Variants in SASS6 observed in about 807,000 individuals in gnomAD.
SASS6 encodes the protein spindle assembly abnormal protein 6 homolog.
SASS6 carries 59 observed loss-of-function variants against 94.9 expected under a neutral mutation model. The ratio of observed to expected loss-of-function variants is 0.62; its 90% CI spans 0.50 to 0.77. The LOEUF is 0.77. Among genes scored for constraint, SASS6 ranks in the 30% least tolerant of loss-of-function variants. The pLI, the probability that SASS6 is intolerant of heterozygous loss-of-function variation, is 0.00. For synonymous variants in SASS6, 264 were observed against 270.0 expected, an observed-to-expected ratio of 0.98 and a Z score of 0.22; for missense variants, 698 against 734.1, an observed-to-expected ratio of 0.95 and a Z score of 0.57.
intron 7 of SASS6, among the ~76,000 whole-genome samples, chr1:100,117,288 T>C (rs1653859497): frequency 7.2e-6 from 1 of 138,540 alleles, no homozygotes; most frequent in African/African-American, 2.7e-5. Flanking sequence ...CGAAATTCTG[T>C]CTCAAAAAAA....
intron 1 of SASS6, among the ~76,000 whole-genome samples, chr1:100,128,399 T>A (rs1482935330): frequency 6.6e-6 from 1 of 152,218 alleles, no homozygotes; most frequent in Non-Finnish European, 1.5e-5. Context: ...ACAAGAAGAA[T>A]TCACTTATCA....
intron 3 of SASS6, 78 bp downstream of exon 3, chr1:100,123,131 GT>G (rs1654330899): frequency 1.5e-6 from 1 of 645,724 alleles, no homozygotes; most frequent in Non-Finnish European, 2.8e-6. Context: ...GTAGGTATGT[GT>G]TTGAAAGAGA....
intron 7 of SASS6, among the ~76,000 whole-genome samples, chr1:100,114,532 A>T (rs1653645273): frequency 6.6e-6 from 1 of 151,078 alleles, no homozygotes; most frequent in Admixed American, 6.6e-5. Context: ...AAAAAAATAA[A>T]TAAATAAAAA....
intron 14 of SASS6, among the ~76,000 whole-genome samples, chr1:100,097,265 A>G (rs982476158): frequency 4.5e-4 from 68 of 152,316 alleles, no homozygotes; most frequent in African/African-American, 1.6e-3. Context: ...AAAGTTTGGT[A>G]ATTTCTTAAA....
At chr1:100,129,354 C>G (rs903941893) in intron 1 of SASS6, among the ~76,000 whole-genome samples, 7 of 152,088 alleles carry the variant, frequency 4.6e-5, no homozygotes, top group African/African-American at 1.7e-4. Flanking sequence ...GCTAGATTTG[C>G]TTCTGATTGC....
chr1:100,119,246 C>T (rs1653999369), intron 6 of SASS6, 109 bp from the exon 7 acceptor site: 1 of 533,882 alleles, frequency 1.9e-6, no homozygotes, highest in Admixed American at 4.2e-5. Flanking sequence ...AAAATTATAG[C>T]TTTTCAGGAC....
At chr1:100,117,848 C>T (rs1163021821) in intron 7 of SASS6, among the ~76,000 whole-genome samples, 1 of 109,076 alleles carries the variant, frequency 9.2e-6, no homozygotes, top group Non-Finnish European at 1.8e-5. Context: ...GGTGGCAGGG[C>T]ACAGTGAAAA....
chr1:100,092,966 G>A (rs542053425), intron 14 of SASS6, among the ~76,000 whole-genome samples: 3 of 152,036 alleles, frequency 2.0e-5, no homozygotes, highest in South Asian at 4.1e-4. Flanking sequence ...CAATACATAC[G>A]AAATATGAAA....
At chr1:100,122,302 T>C (rs749972056) in intron 4 of SASS6, 78 bp downstream of exon 4, 62 of 646,208 alleles carry the variant, frequency 9.6e-5, no homozygotes, top group Non-Finnish European at 1.9e-5. Flanking sequence ...ACGGAAAAGA[T>C]TTTGCCATCA....
intron 14 of SASS6, among the ~76,000 whole-genome samples, chr1:100,101,231 A>G (rs1352999737): frequency 6.6e-6 from 1 of 152,152 alleles, no homozygotes; most frequent in Non-Finnish European, 1.5e-5. Flanking sequence ...TTCTTAACCA[A>G]TAATTATACG....
chr1:100,088,906 C>T (rs1651493378), intron 14 of SASS6, among the ~76,000 whole-genome samples: 1 of 149,534 alleles, frequency 6.7e-6, no homozygotes, highest in Non-Finnish European at 1.5e-5. Context: ...GTAACACTCA[C>T]AATGCTCCAC....
chr1:100,106,917 T>A lies in SASS6; in HGVS notation c.1403A>T (p.Glu468Val). 7.8e-7 allele frequency: 1 copy of A among 1,274,582 alleles called. No homozygotes were observed. Among genetic ancestry groups the A allele is most frequent in the Non-Finnish European group, 1.1e-6 (1 of 880,398 alleles). 79.0% of individuals were successfully genotyped at this position (1,274,582 alleles called of 1,614,324 possible). The change falls in exon 12 of 17, where the codon GAA becomes GTA. Residue 468 changes from glutamate (E) to valine (V), a missense_variant. Coordinates refer to ENST00000287482, the MANE Select transcript of SASS6 (RefSeq NM_194292.3). ...EESKQLLKNN[E>V]KLITWLNKEL... ...TTAACACGTAACATACTTACACTTT[T>A]CATTATTTTTTAGAAGTTGTTTGCT... is the stretch of plus-strand genomic sequence containing the variant.
chr1:100,132,779 C>T lies in SASS6; in HGVS notation c.36G>A (p.Leu12=), dbSNP rs1238995977. 1.2e-6 allele frequency: 2 copies of T among 1,614,066 alleles called. No individual in the cohort carries two copies. Among genetic ancestry groups the T allele is most frequent in the Admixed American group, 1.7e-5 (1 of 60,006 alleles). ...CCTCACAGTCTTTGCATTTCACCTGCAACGGGACTAGTTGGTGGAACAGCA... is the reference window on the plus strand; with the variant it reads ...CCTCACAGTCTTTGCATTTCACCTGTAACGGGACTAGTTGGTGGAACAGCA... ...SQVLFHQLVP[L]QVKCKDCEER... Residue 12 remains leucine, a synonymous_variant, in exon 1 of 17, where the codon TTG becomes TTA. Transcript: ENST00000287482.
At chr1:100,128,688 A>G (rs1207679519) in intron 1 of SASS6, among the ~76,000 whole-genome samples, 1 of 152,238 alleles carries the variant, frequency 6.6e-6, no homozygotes, top group African/African-American at 2.4e-5. Flanking sequence ...AATATAAAAC[A>G]ATAAAAACTC....
At chr1:100,103,223 C>T (rs1270167873) in intron 13 of SASS6, 140 bp from the exon 14 acceptor site, 5 of 559,142 alleles carry the variant, frequency 8.9e-6, no homozygotes, top group Non-Finnish European at 1.3e-5. Flanking sequence ...GTTTATCATG[C>T]CACACAACTC....
chr1:100,098,045 C>T (rs1046161206), intron 14 of SASS6, among the ~76,000 whole-genome samples: 1 of 152,010 alleles, frequency 6.6e-6, no homozygotes, highest in Non-Finnish European at 1.5e-5. Flanking sequence ...ACTCTATAAG[C>T]TGACTAAAAT....
At chr1:100,102,124 T>C (rs879915302) in intron 14 of SASS6, among the ~76,000 whole-genome samples, 5 of 152,044 alleles carry the variant, frequency 3.3e-5, no homozygotes, top group Admixed American at 6.6e-5. Flanking sequence ...AAATCTAAGA[T>C]AATAATAAAA....
chr1:100,131,414 AT>A (rs1417622957), intron 1 of SASS6, among the ~76,000 whole-genome samples: 4 of 152,184 alleles, frequency 2.6e-5, no homozygotes, highest in African/African-American at 9.6e-5. Context: ...GGTGAAATTA[AT>A]TTTAATAATA....
chr1:100,084,566 T>G lies in SASS6; in HGVS notation c.*762A>C, dbSNP rs1651091340. The G allele has an allele frequency of 6.6e-6, 1 of 152,082 alleles. No individual in the cohort carries two copies. Among genetic ancestry groups the G allele is most frequent in the South Asian group, 2.1e-4 (1 of 4,832 alleles). 9.4% of individuals were successfully genotyped at this position (152,082 alleles called of 1,614,324 possible). A position where few individuals can be genotyped will look rare whatever the true frequency, so the allele number is the denominator to read the frequency against. The stretch of plus-strand genomic sequence containing the variant: ...GTAGATTTAGTAGTAGTACCAAGTT[T>G]TAAAAGTCCACTGATACAGATTTAA... On this transcript the variant is annotated 3_prime_UTR_variant, in exon 17 of 17. Transcript: ENST00000287482.
Sources: gnomAD v4.1 joint callset for allele counts (sites outside exome capture counted in the v4.1 genomes callset) on GRCh38, gnomAD v4.1.1 for gene constraint, MANE v1.5 for transcripts, NCBI Gene and HGNC (gene_info 2026-07-23, HGNC 2026-07-21) for gene names.